Variants in TMEM178B observed in about 807,000 individuals in gnomAD.
TMEM178B encodes the protein transmembrane protein 178B.
Under a neutral mutation model 31.0 loss-of-function variants are expected in TMEM178B, and 5 were observed. That is an observed-to-expected ratio of 0.16 (90% CI 0.08 to 0.34). The LOEUF is 0.34. Among genes scored for constraint, TMEM178B ranks in the 10% least tolerant of loss-of-function variants. The pLI is 1.00. For missense variants in TMEM178B, 275 were observed against 400.3 expected, an observed-to-expected ratio of 0.69 and a Z score of 2.67; for synonymous variants, 164 against 164.0, an observed-to-expected ratio of 1.00 and a Z score of 0.00.
chr7:141,328,767 C>T (rs540442363), intron 2 of TMEM178B, among the ~76,000 whole-genome samples: 15 of 152,296 alleles, frequency 9.8e-5, no homozygotes, highest in African/African-American at 3.6e-4. Flanking sequence ...GCCAAAGGTG[C>T]CTTTCATTTT....
chr7:141,155,023 C>T (rs895803114), intron 1 of TMEM178B, among the ~76,000 whole-genome samples: 2 of 152,132 alleles, frequency 1.3e-5, no homozygotes, highest in Admixed American at 1.3e-4. Flanking sequence ...AGCCACTGCA[C>T]CTCGCCCAGC....
intron 1 of TMEM178B, among the ~76,000 whole-genome samples, chr7:141,158,752 T>C (rs928254669): frequency 2.0e-5 from 3 of 152,066 alleles, no homozygotes; most frequent in Admixed American, 1.3e-4. Context: ...TGGCCAATTC[T>C]CAGGCCTCTG....
chr7:141,278,684 G>A (rs1333575648), intron 2 of TMEM178B, among the ~76,000 whole-genome samples: 2 of 152,204 alleles, frequency 1.3e-5, no homozygotes, highest in African/African-American at 2.4e-5. Flanking sequence ...TGAGTAAGGA[G>A]CAATTCCATC....
intron 2 of TMEM178B, among the ~76,000 whole-genome samples, chr7:141,311,091 T>G (rs1798902518): frequency 6.6e-6 from 1 of 152,196 alleles, no homozygotes; most frequent in Non-Finnish European, 1.5e-5. Context: ...GAGCGGGAGC[T>G]GAACAATGAG....
At chr7:141,427,702 G>A (rs1424412227) in intron 2 of TMEM178B, among the ~76,000 whole-genome samples, 2 of 151,946 alleles carry the variant, frequency 1.3e-5, no homozygotes, top group East Asian at 1.9e-4. Flanking sequence ...AAAAATCAAC[G>A]AATGGGATCA....
chr7:141,146,238 A>G (rs185691619), intron 1 of TMEM178B, among the ~76,000 whole-genome samples: 2 of 152,152 alleles, frequency 1.3e-5, no homozygotes, highest in African/African-American at 4.8e-5. Context: ...ATTGGGTGCA[A>G]GTCCACTTGA....
intron 1 of TMEM178B, among the ~76,000 whole-genome samples, chr7:141,194,086 A>G (rs1002463234): frequency 2.0e-5 from 3 of 151,998 alleles, no homozygotes; most frequent in African/African-American, 7.3e-5. Flanking sequence ...CTCTCATAAC[A>G]CCTGGGAGTT....
At chr7:141,368,610 G>A (rs1800053641) in intron 2 of TMEM178B, among the ~76,000 whole-genome samples, 1 of 152,172 alleles carries the variant, frequency 6.6e-6, no homozygotes, top group Non-Finnish European at 1.5e-5. Context: ...TCTTATCCAT[G>A]CTCAGTGTGT....
intron 2 of TMEM178B, among the ~76,000 whole-genome samples, chr7:141,423,423 T>A (rs1461190860): frequency 2.0e-5 from 3 of 152,224 alleles, no homozygotes; most frequent in Admixed American, 1.3e-4. Flanking sequence ...TTACAAAAAG[T>A]CATGCTGAGT....
rs115896967 is a variant in TMEM178B, at chr7:141,251,492, A to G, written c.496+38788A>G. ...GGCTTCCAAAGTTCTGCAGCTGGAGATACTGCAATTAACATTTATTGCCAG... is the reference window on the plus strand; with the variant it reads ...GGCTTCCAAAGTTCTGCAGCTGGAGGTACTGCAATTAACATTTATTGCCAG... On this transcript the variant is annotated intron_variant, in intron 2 of 3. Coordinates refer to ENST00000565468, the MANE Select transcript of TMEM178B (RefSeq NM_001195278.2). 5.2e-3 allele frequency among the ~76,000 whole-genome samples: 795 copies of G among 152,232 alleles called. 9 individuals carry two copies. Among genetic ancestry groups the G allele is most frequent in the African/African-American group, 0.018 (757 of 41,508 alleles).
intron 2 of TMEM178B, among the ~76,000 whole-genome samples, chr7:141,357,652 G>T (rs887078164): frequency 3.9e-5 from 6 of 152,146 alleles, no homozygotes; most frequent in African/African-American, 1.4e-4. Context: ...TTTTGCGGGT[G>T]TATTTAAATA....
chr7:141,305,491 G>A (rs879425838), intron 2 of TMEM178B, among the ~76,000 whole-genome samples: 4 of 151,572 alleles, frequency 2.6e-5, no homozygotes, highest in Admixed American at 1.3e-4. Flanking sequence ...GCAGTGGTGC[G>A]ATCTCGGCTC....
At chr7:141,084,972 G>A (rs763715199) in intron 1 of TMEM178B, among the ~76,000 whole-genome samples, 9 of 151,556 alleles carry the variant, frequency 5.9e-5, no homozygotes, top group Non-Finnish European at 1.3e-4. Flanking sequence ...TCCGCCTCCC[G>A]GGTTCAAGTG....
intron 2 of TMEM178B, among the ~76,000 whole-genome samples, chr7:141,275,394 T>G (rs1798249636): frequency 6.6e-6 from 1 of 152,226 alleles, no homozygotes; most frequent in Non-Finnish European, 1.5e-5. Context: ...CAGATGACTT[T>G]GTGATAGTGA....
intron 1 of TMEM178B, among the ~76,000 whole-genome samples, chr7:141,122,920 G>A (rs1240375121): frequency 3.3e-5 from 5 of 152,180 alleles, no homozygotes; most frequent in Admixed American, 6.5e-5. Context: ...GCGGATCAAG[G>A]CTACTGGTCA....
chr7:141,362,517 A>C (rs1191731676), intron 2 of TMEM178B, among the ~76,000 whole-genome samples: 1 of 152,036 alleles, frequency 6.6e-6, no homozygotes, highest in Non-Finnish European at 1.5e-5. Flanking sequence ...TTTTTTTTAA[A>C]AAAAAGACCT....
intron 2 of TMEM178B, among the ~76,000 whole-genome samples, chr7:141,428,387 A>AAAAAAG (rs1563180019): frequency 1.8e-4 from 26 of 143,988 alleles, no homozygotes; most frequent in African/African-American, 2.9e-4. Flanking sequence ...AAAAAAAAGA[A>AAAAAAG]AAAAAGAAAA....
rs1347211069 is a variant in TMEM178B, at chr7:141,074,300, C to T, written c.-11C>T. 6.6e-7 allele frequency: 1 copy of T among 1,510,174 alleles called. No individual in the cohort carries two copies. Among genetic ancestry groups the T allele is most frequent in the East Asian group, 2.5e-5 (1 of 40,442 alleles). The allele number at this position is 1,510,174 out of a possible 1,614,324, so 93.5% of individuals were successfully genotyped here. A position where few individuals can be genotyped will look rare whatever the true frequency, so the allele number is the denominator to read the frequency against. ...CGGATCATGCCCATGGTGTAGCCGC[C>T]AAGCGGAGGCATGGCTGCCGGAAGG... On this transcript the variant is annotated 5_prime_UTR_variant, in exon 1 of 4. Coordinates refer to ENST00000565468, the MANE Select transcript of TMEM178B (RefSeq NM_001195278.2). The surrounding 1 kb of genome is among the most constrained non-coding windows in gnomAD (Gnocchi z 5.1).
chr7:141,088,503 G>T (rs1794824818), intron 1 of TMEM178B, among the ~76,000 whole-genome samples: 1 of 151,936 alleles, frequency 6.6e-6, no homozygotes, highest in East Asian at 1.9e-4. Flanking sequence ...CCTTCTCCTG[G>T]ATCAGTCTCA....
Sources: gnomAD v4.1 joint callset for allele counts (sites outside exome capture counted in the v4.1 genomes callset) on GRCh38, gnomAD v4.1.1 for gene constraint, Gnocchi (gnomAD v3.1) non-coding constraint, MANE v1.5 for transcripts, NCBI Gene and HGNC (gene_info 2026-07-23, HGNC 2026-07-21) for gene names.